TRPC1: variants seen among roughly 807,000 people sequenced by gnomAD.
The protein encoded by TRPC1 is transient receptor potential cation channel subfamily C member 1.
A neutral mutation model predicts 88.2 loss-of-function variants in TRPC1; 42 were observed. The observed-to-expected ratio is 0.48, with a 90% CI of 0.37 to 0.62. TRPC1 has a LOEUF of 0.62. Among genes scored for constraint, TRPC1 ranks in the 20% least tolerant of loss-of-function variants. The probability of loss-of-function intolerance (pLI) is 0.00; values close to 1 mark genes in which losing one functional copy is unlikely to be tolerated. For missense variants in TRPC1, 699 were observed against 957.3 expected, an observed-to-expected ratio of 0.73 and a Z score of 3.56; for synonymous variants, 288 against 331.8, an observed-to-expected ratio of 0.87 and a Z score of 1.43.
intron 2 of TRPC1, among the ~76,000 whole-genome samples, chr3:142,738,510 TG>T (rs550113114): frequency 6.7e-4 from 102 of 152,354 alleles, no homozygotes; most frequent in African/African-American, 2.4e-3. Context: ...AGAGCTTTCA[TG>T]TATCTTGTGC....
chr3:142,743,636 T>C, intron 3 of TRPC1, 50 bp downstream of exon 3: 1 of 1,204,418 alleles, frequency 8.3e-7, no homozygotes. Context: ...CCAAAATAGA[T>C]CTCTTGCCCC....
intron 7 of TRPC1, among the ~76,000 whole-genome samples, chr3:142,785,775 A>G (rs190262679): frequency 1.9e-3 from 297 of 152,328 alleles, no homozygotes; most frequent in African/African-American, 6.6e-3. Context: ...CTGGGATTAT[A>G]GGCCTGAGCC....
At chr3:142,795,972 A>G (rs941577326) in intron 9 of TRPC1, among the ~76,000 whole-genome samples, 3 of 152,186 alleles carry the variant, frequency 2.0e-5, no homozygotes, top group East Asian at 1.9e-4. Flanking sequence ...GAATCTGTAC[A>G]TAATTGTGGT....
chr3:142,758,504 T>G (rs1261870643), intron 4 of TRPC1, among the ~76,000 whole-genome samples: 1 of 152,202 alleles, frequency 6.6e-6, no homozygotes, highest in Non-Finnish European at 1.5e-5. Flanking sequence ...GTTTTTTGCT[T>G]TTGAGTTGTT....
intron 9 of TRPC1, among the ~76,000 whole-genome samples, chr3:142,793,438 G>A (rs1040096899): frequency 6.6e-6 from 1 of 151,944 alleles, no homozygotes; most frequent in African/African-American, 2.4e-5. Flanking sequence ...GTAATAAGTT[G>A]GAAAGTAGCA....
chr3:142,756,915 C>T (rs1274375210), intron 4 of TRPC1, among the ~76,000 whole-genome samples: 1 of 152,106 alleles, frequency 6.6e-6, no homozygotes, highest in Admixed American at 6.6e-5. Context: ...CCTCTGGTAG[C>T]CACCAGTCTA....
At chr3:142,726,234 A>G (rs1933665810) in intron 1 of TRPC1, among the ~76,000 whole-genome samples, 1 of 148,714 alleles carries the variant, frequency 6.7e-6, no homozygotes, top group Non-Finnish European at 1.5e-5. Flanking sequence ...AAGCAAACAG[A>G]AAGTATGTCA....
At chr3:142,779,260 G>A (rs1935881803) in intron 5 of TRPC1, among the ~76,000 whole-genome samples, 1 of 152,120 alleles carries the variant, frequency 6.6e-6, no homozygotes, top group Admixed American at 6.5e-5. Context: ...ATCTAATTAG[G>A]AATAGAGTTA....
chr3:142,775,135 TATTA>T (rs1269607241), intron 4 of TRPC1, among the ~76,000 whole-genome samples: 1 of 152,246 alleles, frequency 6.6e-6, no homozygotes, highest in East Asian at 1.9e-4. Flanking sequence ...TTAATATACT[TATTA>T]ATTAACTAGA....
chr3:142,732,427 A>G (rs577442252), intron 1 of TRPC1, among the ~76,000 whole-genome samples: 118 of 152,228 alleles, frequency 7.8e-4, no homozygotes, highest in Non-Finnish European at 1.4e-3. Context: ...TGTTTTGTTC[A>G]AGTTTATATG....
chr3:142,748,203 A>G (rs963638947), intron 3 of TRPC1, 55 bp from the exon 4 acceptor site: 1 of 1,394,930 alleles, frequency 7.2e-7, no homozygotes, highest in East Asian at 2.3e-5. Flanking sequence ...TCAGATAAAT[A>G]TATTTTTTGA....
Position 142,792,793 on chromosome 3 carries a change from T to C in TRPC1, c.1438-31T>C. The C allele has an allele frequency of 6.6e-7, 1 of 1,520,088 alleles. No individual in the cohort carries two copies. Among genetic ancestry groups the C allele is most frequent in the Non-Finnish European group, 8.8e-7 (1 of 1,137,966 alleles). 94.2% of individuals were successfully genotyped at this position (1,520,088 alleles called of 1,614,324 possible). A position where few individuals can be genotyped will look rare whatever the true frequency, so the allele number is the denominator to read the frequency against. On this transcript the variant is annotated intron_variant, in intron 8 of 12. Transcript: ENST00000476941. The surrounding 1 kb of genome is among the most constrained non-coding windows in gnomAD (Gnocchi z 4.0). ...TATTTTCCTAAATTGAGAGAGCTTA[T>C]TTACCTTTGGCTTTTTCTTCCTAAC... is the stretch of plus-strand genomic sequence containing the variant.
Position 142,724,289 on chromosome 3 carries a change from A to G in TRPC1, c.-271A>G, listed in dbSNP as rs1933561161. 4.8e-6 allele frequency: 1 copy of G among 208,690 alleles called. No homozygotes were observed. The highest frequency in any genetic ancestry group is 9.5e-6 in the Non-Finnish European group (1 of 105,354). 12.9% of individuals were successfully genotyped at this position (208,690 alleles called of 1,614,324 possible). A position where few individuals can be genotyped will look rare whatever the true frequency, so the allele number is the denominator to read the frequency against. On this transcript the variant is annotated 5_prime_UTR_variant, in exon 1 of 13. Transcript: ENST00000476941. The surrounding 1 kb of genome is among the most constrained non-coding windows in gnomAD (Gnocchi z 5.6). ...CACTGTCGTCCCCGGACGGGCGCGG[A>G]CCGGCTCGGCCGGGGCGCCGGCGGC... is the stretch of plus-strand genomic sequence containing the variant.
In TRPC1 at chr3:142,773,139, C is replaced by T. The variant is rs186783548; in HGVS notation, c.633-4493C>T. On this transcript the variant is annotated intron_variant, in intron 4 of 12. Transcript: ENST00000476941. ...TCAGCATATGAAATTTGGAGGGATA[C>T]AATTCAACCCATAGCAAGCCTCTCT... Among the ~76,000 whole-genome samples, 17 of 152,290 alleles carry T rather than the reference C, an allele frequency of 1.1e-4. No homozygotes were observed. In the South Asian group the frequency reaches 2.7e-3, roughly 24 times the overall value.
intron 4 of TRPC1, among the ~76,000 whole-genome samples, chr3:142,771,067 A>G (rs890379270): frequency 6.6e-6 from 1 of 152,144 alleles, no homozygotes; most frequent in African/African-American, 2.4e-5. Flanking sequence ...TATTGTGGGA[A>G]TGAATACAGC....
intron 4 of TRPC1, among the ~76,000 whole-genome samples, chr3:142,772,676 A>G (rs1183774369): frequency 6.6e-6 from 1 of 152,034 alleles, no homozygotes; most frequent in African/African-American, 2.4e-5. Context: ...AGTCCCAGCT[A>G]CTCAAGAGGC....
Position 142,784,964 on chromosome 3 carries a change from C to T in TRPC1, c.1221C>T (p.Val407=), listed in dbSNP as rs35169117. 5.3e-4 allele frequency: 856 copies of T among 1,613,800 alleles called. 7 individuals are homozygous for T. In the African/African-American group the frequency reaches 0.011, roughly 20 times the overall value. The part of the protein sequence containing the change: ...FLLLLNLYSL[V]YNEDKKNTMG... The stretch of plus-strand genomic sequence containing the variant: ...TGTTGCTTAATCTATACTCTCTTGT[C>T]TACAATGAGGATAAGAAAAACACAA... Residue 407 remains valine, a synonymous_variant, in exon 7 of 13, where the codon GTC becomes GTT. Coordinates refer to ENST00000476941, the MANE Select transcript of TRPC1 (RefSeq NM_001251845.2).
At chr3:142,727,060 G>T (rs1230559211) in intron 1 of TRPC1, among the ~76,000 whole-genome samples, 1 of 152,204 alleles carries the variant, frequency 6.6e-6, no homozygotes, top group African/African-American at 2.4e-5. Context: ...TATAGATCTG[G>T]TTGTAGGTGA....
rs1172341948 is a variant in TRPC1 at position 142,736,547 on chromosome 3, T to A, written c.327+14T>A. ...TACGGTTGTCAGGTACAAGGCTAGA[T>A]AATTTAATCCAGTTAACTTCTAAGT... is the stretch of plus-strand genomic sequence containing the variant. On this transcript the variant is annotated intron_variant, in intron 2 of 12. Transcript: ENST00000476941. 6.3e-7 allele frequency: 1 copy of A among 1,582,010 alleles called. No homozygotes were observed. Among genetic ancestry groups the A allele is most frequent in the Non-Finnish European group, 8.6e-7 (1 of 1,167,986 alleles).
Sources: gnomAD v4.1 joint callset for allele counts (sites outside exome capture counted in the v4.1 genomes callset) on GRCh38, gnomAD v4.1.1 for gene constraint, Gnocchi (gnomAD v3.1) non-coding constraint, MANE v1.5 for transcripts, NCBI Gene and HGNC (gene_info 2026-07-23, HGNC 2026-07-21) for gene names.